STK3: variants seen among roughly 807,000 people sequenced by gnomAD.
STK3 encodes serine/threonine-protein kinase 3.
STK3 carries 41 observed loss-of-function variants against 58.0 expected under a neutral mutation model. The observed-to-expected ratio is 0.71, with a 90% CI of 0.55 to 0.92. The LOEUF is 0.92. Ranked by LOEUF, STK3 falls within the 40% of genes least tolerant of loss-of-function variation. STK3 has a pLI of 0.00. For synonymous variants in STK3, 170 were observed against 191.0 expected (o/e 0.89, Z 0.91); for missense variants, 479 against 602.7 (o/e 0.79, Z 2.15).
rs770119619 is a variant in STK3, at chr8:98,429,243, C to T, written n.483+4884G>A. On this transcript the variant is annotated intron_variant and non_coding_transcript_variant, in intron 3 of 3. Transcript: ENST00000517832. ...CTCCCACTTTTACCGGCGCCAAAAG[C>T]AACTTGAGAGTGCCATGCGCAGCTG... 2.5e-6 allele frequency: 4 copies of T among 1,613,944 alleles called. No homozygotes were observed. In the East Asian group the frequency reaches 8.9e-5, roughly 36 times the overall value.
At chr8:98,774,525 T>TTA (rs112818366) in intron 2 of STK3, among the ~76,000 whole-genome samples, 197 of 151,340 alleles carry the variant, frequency 1.3e-3, no homozygotes, top group African/African-American at 2.9e-3. Context: ...TGCTTTTCCC[T>TTA]TATATATATA....
intron 1 of STK3, among the ~76,000 whole-genome samples, chr8:98,777,973 G>A (rs992011661): frequency 6.6e-6 from 1 of 152,288 alleles, no homozygotes; most frequent in South Asian, 2.1e-4. Flanking sequence ...GCATGGGTAA[G>A]GACTTCATGT....
intron 1 of STK3, among the ~76,000 whole-genome samples, chr8:98,916,840 AAAAACAAAAC>A (rs544805458): frequency 6.6e-6 from 1 of 152,210 alleles, no homozygotes; most frequent in Non-Finnish European, 1.5e-5. Flanking sequence ...CAAAGTAATT[AAAAACAAAAC>A]AAAACAAAAC....
At chr8:98,707,955 A>C (rs1262483982) in intron 4 of STK3, among the ~76,000 whole-genome samples, 1 of 151,996 alleles carries the variant, frequency 6.6e-6, no homozygotes, top group East Asian at 1.9e-4. Flanking sequence ...CCTGGCCCAC[A>C]TGGTGAAACC....
chr8:98,637,327 A>G (rs977548788), intron 6 of STK3, among the ~76,000 whole-genome samples: 36 of 152,278 alleles, frequency 2.4e-4, no homozygotes, highest in Non-Finnish European at 4.6e-4. Flanking sequence ...CACTAATTCA[A>G]TGCAGGTCAC....
At chr8:98,589,868 C>T (rs553119974) in intron 7 of STK3, among the ~76,000 whole-genome samples, 6 of 152,318 alleles carry the variant, frequency 3.9e-5, no homozygotes, top group Admixed American at 6.5e-5. Flanking sequence ...TTTCCAGGTG[C>T]CGTCCGTCAC....
chr8:98,923,828 C>T (rs966272780), intron 1 of STK3, among the ~76,000 whole-genome samples: 3 of 144,306 alleles, frequency 2.1e-5, no homozygotes, highest in African/African-American at 5.2e-5. Flanking sequence ...TTTGCAAAAA[C>T]GTGTGTGTGT....
rs1564093655 is a variant in STK3 at position 98,903,552 on chromosome 8, TC to T, written c.-78-19719del. ...TTCTTCTTCTTCTTCTTCTTCTTCT[TC>T]TTCCTTTTTTTTTTTTTAAGTGGGG... is the stretch of plus-strand genomic sequence containing the variant. On this transcript the variant is annotated intron_variant, in intron 1 of 1. Coordinates refer to the STK3 transcript ENST00000519420. Among the ~76,000 whole-genome samples the T allele has an allele frequency of 1.1e-3, 44 of 38,402 alleles. 3 individuals carry two copies. The highest frequency in any genetic ancestry group is 3.0e-3 in the South Asian group (3 of 1,006). The allele number at this position is 38,402 out of a possible 152,430, so 25.2% of individuals were successfully genotyped here.
chr8:98,656,825 G>C (rs1821577957), intron 6 of STK3, among the ~76,000 whole-genome samples: 2 of 151,882 alleles, frequency 1.3e-5, no homozygotes, highest in African/African-American at 4.8e-5. Context: ...TTTGCTGTTT[G>C]GTTATAGTTA....
intron 1 of STK3, chr8:98,904,834 G>A (rs1225871213): frequency 6.0e-6 from 4 of 664,006 alleles, no homozygotes; most frequent in Non-Finnish European, 1.2e-5. Context: ...CAAGAACTTG[G>A]CAATAGGTAT....
intron 3 of STK3, among the ~76,000 whole-genome samples, chr8:98,838,876 C>T (rs1835849340): frequency 6.6e-6 from 1 of 152,050 alleles, no homozygotes; most frequent in Non-Finnish European, 1.5e-5. Flanking sequence ...ATCCCGCCCC[C>T]ACCCTACCAT....
chr8:98,405,815 C>G (rs560938350), intron 3 of STK3, among the ~76,000 whole-genome samples: 85 of 152,312 alleles, frequency 5.6e-4, no homozygotes, highest in African/African-American at 1.8e-3. Flanking sequence ...ACAGAGACAG[C>G]TTGTGCAGGG....
intron 2 of STK3, among the ~76,000 whole-genome samples, chr8:98,768,788 G>GA (rs1831108255): frequency 6.6e-6 from 1 of 152,242 alleles, no homozygotes; most frequent in African/African-American, 2.4e-5. Context: ...ACGTATGTGT[G>GA]AATGACGAAA....
intron 2 of STK3, among the ~76,000 whole-genome samples, chr8:98,372,972 T>C (rs4628231): frequency 0.66 from 99,817 of 152,070 alleles, 32,942 homozygotes; most frequent in South Asian, 0.69. Flanking sequence ...TTACTCTGGT[T>C]ATAATGGTTG....
At chr8:98,773,668 G>C (rs1831463937) in intron 2 of STK3, among the ~76,000 whole-genome samples, 1 of 152,046 alleles carries the variant, frequency 6.6e-6, no homozygotes. Flanking sequence ...AATATAGGTA[G>C]ATTTCGCATG....
intron 1 of STK3, chr8:98,782,204 G>T (rs891569447): frequency 5.2e-5 from 10 of 190,638 alleles, no homozygotes; most frequent in African/African-American, 1.7e-4. Context: ...ATAAGCCTGC[G>T]ACTGTCCGTT....
chr8:98,405,102 T>C (rs1210614083), intron 3 of STK3, among the ~76,000 whole-genome samples: 1 of 152,230 alleles, frequency 6.6e-6, no homozygotes, highest in Non-Finnish European at 1.5e-5. Context: ...ATTTCTGTAA[T>C]GAATCCCTAT....
upstream of STK3, among the ~76,000 whole-genome samples, chr8:98,390,757 G>C (rs542697999): frequency 2.0e-5 from 3 of 151,918 alleles, no homozygotes; most frequent in South Asian, 2.1e-4. Context: ...TTTTAGATTA[G>C]GTCATGGTTA....
At chr8:98,825,033 A>G (rs1053114459) in intron 1 of STK3, among the ~76,000 whole-genome samples, 7 of 152,236 alleles carry the variant, frequency 4.6e-5, no homozygotes, top group African/African-American at 1.7e-4. Flanking sequence ...ATAAACTATT[A>G]ATAACAGTAA....
Sources: allele counts gnomAD v4.1 joint callset (sites outside exome capture counted in the v4.1 genomes callset), GRCh38; gene constraint gnomAD v4.1.1; transcripts MANE v1.5; gene names NCBI Gene and HGNC (gene_info 2026-07-23, HGNC 2026-07-21).